SHISA9: variants seen among roughly 807,000 people sequenced by gnomAD.
The protein encoded by SHISA9 is shisa family member 9, also known as protein shisa-9.
SHISA9 carries 13 observed loss-of-function variants against 38.0 expected under a neutral mutation model. That is an observed-to-expected ratio of 0.34 (90% CI 0.22 to 0.54). SHISA9 has a LOEUF of 0.54. SHISA9 is among the 20% of genes least tolerant of loss of function. The pLI is 0.91. For synonymous variants in SHISA9, 275 were observed against 242.0 expected (o/e 1.14, Z -1.27); for missense variants, 538 against 575.8 (o/e 0.93, Z 0.67).
chr16:12,973,277 A>G (rs921321545), intron 2 of SHISA9, among the ~76,000 whole-genome samples: 1 of 152,338 alleles, frequency 6.6e-6, no homozygotes, highest in Admixed American at 6.5e-5. Flanking sequence ...TTCAAATGCT[A>G]ACAGGTTTCC....
chr16:13,339,958 T>C, the SHISA9 span, among the ~76,000 whole-genome samples: 24 of 152,342 alleles, frequency 1.6e-4, no homozygotes, highest in Admixed American at 4.6e-4. Context: ...AATTGGACTC[T>C]GCTATTATTT....
At chr16:13,532,717 C>T in the SHISA9 span, among the ~76,000 whole-genome samples, 32 of 152,178 alleles carry the variant, frequency 2.1e-4, no homozygotes, top group African/African-American at 7.2e-4. Context: ...CTGCTTCCAA[C>T]ATTTCAGTTT....
the SHISA9 span, among the ~76,000 whole-genome samples, chr16:13,502,549 C>A: frequency 1.3e-5 from 2 of 152,050 alleles, no homozygotes; most frequent in African/African-American, 2.4e-5. Context: ...AAAGGCAGAC[C>A]TGGTCTTTAC....
At chr16:13,409,824 A>G in the SHISA9 span, among the ~76,000 whole-genome samples, 3 of 152,224 alleles carry the variant, frequency 2.0e-5, no homozygotes, top group Non-Finnish European at 2.9e-5. Flanking sequence ...CAAACTTTCA[A>G]AAAATATGCG....
At chr16:13,437,052 C>T in the SHISA9 span, among the ~76,000 whole-genome samples, 1 of 152,178 alleles carries the variant, frequency 6.6e-6, no homozygotes, top group Non-Finnish European at 1.5e-5. Context: ...AAACCCCACC[C>T]CATGATTCAG....
the SHISA9 span, among the ~76,000 whole-genome samples, chr16:13,490,855 G>T: frequency 6.6e-6 from 1 of 152,132 alleles, no homozygotes; most frequent in Non-Finnish European, 1.5e-5. Context: ...TTTCAAACAG[G>T]TTGTAATATA....
chr16:13,203,945 C>G (rs1218951639), intron 3 of SHISA9, among the ~76,000 whole-genome samples: 2 of 151,850 alleles, frequency 1.3e-5, no homozygotes, highest in South Asian at 4.2e-4. Context: ...ACCTATTATC[C>G]TATCATCTGT....
the SHISA9 span, among the ~76,000 whole-genome samples, chr16:13,539,124 A>T: frequency 6.6e-6 from 1 of 151,154 alleles, no homozygotes; most frequent in South Asian, 2.1e-4. Flanking sequence ...CCAGCAACAA[A>T]TGCATTATTT....
At chr16:12,964,022 G>C (rs762549606) in intron 2 of SHISA9, among the ~76,000 whole-genome samples, 5 of 152,224 alleles carry the variant, frequency 3.3e-5, no homozygotes, top group Admixed American at 6.5e-5. Context: ...AATCTTCAAA[G>C]TGCTACTGCT....
At chr16:12,935,576 A>AG (rs1450024793) in intron 2 of SHISA9, among the ~76,000 whole-genome samples, 3 of 152,150 alleles carry the variant, frequency 2.0e-5, no homozygotes, top group Non-Finnish European at 4.4e-5. Context: ...GGCCGGGCCC[A>AG]GGGGCTCACG....
intron 4 of SHISA9, among the ~76,000 whole-genome samples, chr16:13,217,795 C>T (rs374371519): frequency 1.2e-4 from 19 of 152,052 alleles, no homozygotes; most frequent in Admixed American, 2.6e-4. Flanking sequence ...TTTGGGAGGC[C>T]GAGGTGAGCA....
the SHISA9 span, among the ~76,000 whole-genome samples, chr16:13,456,440 A>G: frequency 6.6e-6 from 1 of 152,222 alleles, no homozygotes; most frequent in East Asian, 1.9e-4. Context: ...TTTTGGACAG[A>G]GAAATGAATG....
At chr16:13,306,465 CAG>C in the SHISA9 span, among the ~76,000 whole-genome samples, 2 of 152,168 alleles carry the variant, frequency 1.3e-5, no homozygotes, top group African/African-American at 4.8e-5. Flanking sequence ...AAGAGAGAGA[CAG>C]AGAGATAATG....
chr16:13,226,850 C>T (rs2051284413), intron 4 of SHISA9, among the ~76,000 whole-genome samples: 2 of 152,188 alleles, frequency 1.3e-5, no homozygotes, highest in African/African-American at 2.4e-5. Flanking sequence ...CCCTTCTTCA[C>T]ATGGAGGCAG....
At chr16:12,929,262 C>T (rs1254931430) in intron 2 of SHISA9, among the ~76,000 whole-genome samples, 1 of 152,112 alleles carries the variant, frequency 6.6e-6, no homozygotes, top group Non-Finnish European at 1.5e-5. Flanking sequence ...GCAGAAATAC[C>T]ATTTGACCCA....
the SHISA9 span, among the ~76,000 whole-genome samples, chr16:13,254,994 A>T: frequency 3.3e-5 from 5 of 151,840 alleles, no homozygotes; most frequent in African/African-American, 9.7e-5. Context: ...AGCTTCTTTA[A>T]TTTTTTTTCC....
the SHISA9 span, among the ~76,000 whole-genome samples, chr16:13,413,521 C>T: frequency 1.3e-5 from 2 of 151,790 alleles, no homozygotes; most frequent in Non-Finnish European, 1.5e-5. Context: ...TTTGGGAGGC[C>T]GAGGTGGGCA....
chr16:13,401,163 C>T, the SHISA9 span, among the ~76,000 whole-genome samples: 5 of 152,154 alleles, frequency 3.3e-5, no homozygotes, highest in African/African-American at 9.7e-5. Context: ...TGCCTATGTG[C>T]CAGAAACTCT....
chr16:13,071,623 C>T (rs2073519309), intron 2 of SHISA9, among the ~76,000 whole-genome samples: 1 of 144,558 alleles, frequency 6.9e-6, no homozygotes, highest in South Asian at 2.2e-4. Flanking sequence ...TCCTTCCCTC[C>T]CTCCCTCCTT....
Sources: gnomAD v4.1 joint callset for allele counts (sites outside exome capture counted in the v4.1 genomes callset) on GRCh38, gnomAD v4.1.1 for gene constraint, MANE v1.5 for transcripts, NCBI Gene and HGNC (gene_info 2026-07-23, HGNC 2026-07-21) for gene names.